Variants in RRAGB observed in about 807,000 individuals in gnomAD.
The protein encoded by RRAGB is ras-related GTP-binding protein B.
RRAGB carries 6 observed loss-of-function variants against 29.3 expected under a neutral mutation model. That is an observed-to-expected ratio of 0.21 (90% CI 0.11 to 0.40). The LOEUF is 0.40. Among genes scored for constraint, RRAGB ranks in the 10% least tolerant of loss-of-function variants. The probability of loss-of-function intolerance (pLI) is 1.00; values close to 1 mark genes in which losing one functional copy is unlikely to be tolerated. For synonymous variants in RRAGB, 101 were observed against 92.5 expected, an observed-to-expected ratio of 1.09 and a Z score of -0.53; for missense variants, 184 against 272.9, an observed-to-expected ratio of 0.67 and a Z score of 2.29.
At chrX:55,758,180 A>G in intron 9 of RRAGB, 66 bp from the exon 10 acceptor site, 1 of 709,655 alleles carries the variant, frequency 1.4e-6, no homozygotes. Flanking sequence ...TATTTGTTTT[A>G]CTAGTCAGAC....
chrX:55,745,323 G>A (rs1371471285), intron 5 of RRAGB, among the ~76,000 whole-genome samples: 1 of 112,718 alleles, frequency 8.9e-6, no homozygotes, highest in Non-Finnish European at 1.9e-5. Context: ...ACAGTGAAGT[G>A]TATTGCTGGC....
intron 3 of RRAGB, among the ~76,000 whole-genome samples, chrX:55,728,987 A>T (rs1283204716): frequency 9.0e-6 from 1 of 110,503 alleles, no homozygotes; most frequent in Non-Finnish European, 1.9e-5. Context: ...AAGACTGATT[A>T]TATGGTATAT....
At chrX:55,718,820 T>C (rs1183719700) in intron 1 of RRAGB, among the ~76,000 whole-genome samples, 1 of 111,532 alleles carries the variant, frequency 9.0e-6, no homozygotes, top group Non-Finnish European at 1.9e-5. Flanking sequence ...TTACATCTAC[T>C]TTGTGTCTGT....
intron 1 of RRAGB, among the ~76,000 whole-genome samples, chrX:55,719,106 A>G (rs753571118): frequency 2.7e-5 from 3 of 111,580 alleles, no homozygotes; most frequent in Non-Finnish European, 3.8e-5. Context: ...TCTCTCTTGA[A>G]CTTCTAATTA....
intron 5 of RRAGB, among the ~76,000 whole-genome samples, chrX:55,746,647 G>C (rs189184136): frequency 1.8e-5 from 2 of 112,285 alleles, no homozygotes; most frequent in African/African-American, 3.2e-5. Flanking sequence ...GGCCTTAAAT[G>C]AATCTGTTAA....
At position 55,755,942 on chromosome X, in the gene RRAGB, C is replaced by T; in HGVS notation, c.827+10C>T. ...TCAAGCTGAGCTGCAGGTAAGAGATCTAGTAGGAATGATCTGTTTATCTCT... is the reference window on the plus strand; with the variant it reads ...TCAAGCTGAGCTGCAGGTAAGAGATTTAGTAGGAATGATCTGTTTATCTCT... On this transcript the variant is annotated intron_variant, in intron 8 of 9. Transcript: ENST00000374941. The T allele has an allele frequency of 8.9e-7, 1 of 1,128,378 alleles. No homozygotes were observed. The highest frequency in any genetic ancestry group is 1.2e-6 in the Non-Finnish European group (1 of 822,369). 93.0% of individuals were successfully genotyped at this position (1,128,378 alleles called of 1,213,427 possible).
intron 4 of RRAGB, among the ~76,000 whole-genome samples, chrX:55,730,143 A>C (rs2033626865): frequency 8.9e-6 from 1 of 112,457 alleles, no homozygotes; most frequent in African/African-American, 3.2e-5. Context: ...CAAAATACAT[A>C]GATATTGTTA....
rs760532380 is a variant in RRAGB, at chrX:55,727,289, C to G, written c.227-2005C>G. On this transcript the variant is annotated intron_variant, in intron 3 of 9. Coordinates refer to ENST00000374941, the MANE Select transcript of RRAGB (RefSeq NM_006064.5). ...GTCTTTCCCTTTCTCAGTAGCACTT[C>G]TTTCCATTTTTTTTTAGTACTAGAC... is the stretch of plus-strand genomic sequence containing the variant. The G allele has an allele frequency of 2.6e-6, 3 of 1,167,971 alleles. No homozygotes were observed. The African/African-American group carries it at 5.4e-5, about 21-fold the overall frequency.
intron 4 of RRAGB, among the ~76,000 whole-genome samples, 176 bp from the exon 5 acceptor site, chrX:55,731,188 G>C (rs1397281777): frequency 9.0e-6 from 1 of 111,248 alleles, no homozygotes; most frequent in Non-Finnish European, 1.9e-5. Context: ...TCTTTTGTTG[G>C]CTCAAGTTGT....
chrX:55,739,797 C>T (rs1037210118), intron 5 of RRAGB, among the ~76,000 whole-genome samples: 3 of 111,279 alleles, frequency 2.7e-5, no homozygotes, highest in Admixed American at 9.5e-5. Flanking sequence ...GCTAACAAAG[C>T]CTTCAGTCTA....
At chrX:55,748,148 A>G (rs1270810689) in intron 5 of RRAGB, among the ~76,000 whole-genome samples, 1 of 112,672 alleles carries the variant, frequency 8.9e-6, no homozygotes, top group Admixed American at 9.3e-5. Context: ...GGGATTGCAG[A>G]GGGAGTCTCG....
At chrX:55,748,117 G>C (rs1056582775) in intron 5 of RRAGB, among the ~76,000 whole-genome samples, 1 of 112,927 alleles carries the variant, frequency 8.9e-6, no homozygotes, top group Non-Finnish European at 1.9e-5. Flanking sequence ...TGATCCGCCA[G>C]CCTCGGCCTC....
At chrX:55,734,767 C>T (rs1428658121) in intron 5 of RRAGB, among the ~76,000 whole-genome samples, 1 of 111,921 alleles carries the variant, frequency 8.9e-6, no homozygotes, top group African/African-American at 3.2e-5. Flanking sequence ...GCATTTAGTG[C>T]AATAAACTTT....
intron 5 of RRAGB, among the ~76,000 whole-genome samples, chrX:55,741,632 A>G (rs1247023118): frequency 9.0e-6 from 1 of 111,523 alleles, no homozygotes; most frequent in Non-Finnish European, 1.9e-5. Flanking sequence ...CTAACTAATC[A>G]TGTGTGTGTG....
chrX:55,753,957 A>C (rs1411107509), intron 7 of RRAGB, among the ~76,000 whole-genome samples: 2 of 112,101 alleles, frequency 1.8e-5, no homozygotes, highest in African/African-American at 6.5e-5. Context: ...AGGCAGGAGA[A>C]TCGCTTGAAC....
intron 9 of RRAGB, 78 bp from the exon 10 acceptor site, chrX:55,758,168 T>C: frequency 1.6e-6 from 1 of 621,898 alleles, no homozygotes; most frequent in Non-Finnish European, 2.5e-6. Flanking sequence ...CTCTCTTTTG[T>C]TTATTTGTTT....
At chrX:55,745,640 C>T (rs940569926) in intron 5 of RRAGB, among the ~76,000 whole-genome samples, 2 of 112,084 alleles carry the variant, frequency 1.8e-5, no homozygotes, top group Admixed American at 1.9e-4. Context: ...TGGCACTAAC[C>T]TCTGCAATCC....
chrX:55,747,860 C>G (rs1318021120), intron 5 of RRAGB, among the ~76,000 whole-genome samples: 1 of 107,547 alleles, frequency 9.3e-6, no homozygotes, highest in Non-Finnish European at 1.9e-5. Context: ...CGGTCTCCCT[C>G]TCCCTCTTTC....
At chrX:55,752,641 G>A (rs1261515864) in intron 6 of RRAGB, among the ~76,000 whole-genome samples, 2 of 111,895 alleles carry the variant, frequency 1.8e-5, no homozygotes, top group East Asian at 5.6e-4. Context: ...GTAGGGGAGA[G>A]AAGAACAAAG....
Sources: gnomAD v4.1 joint callset for allele counts (sites outside exome capture counted in the v4.1 genomes callset) on GRCh38, gnomAD v4.1.1 for gene constraint, MANE v1.5 for transcripts, NCBI Gene and HGNC (gene_info 2026-07-23, HGNC 2026-07-21) for gene names.